Variants in CNTNAP2 observed in about 807,000 individuals in gnomAD.
The protein encoded by CNTNAP2 is contactin associated protein 2, also known as contactin-associated protein-like 2.
Under a neutral mutation model 155.2 loss-of-function variants are expected in CNTNAP2, and 98 were observed. That is an observed-to-expected ratio of 0.63 (90% CI 0.54 to 0.75). CNTNAP2 has a LOEUF of 0.75. Ranked by LOEUF, CNTNAP2 falls within the 30% of genes least tolerant of loss-of-function variation. The pLI, the probability that CNTNAP2 is intolerant of heterozygous loss-of-function variation, is 0.00. For synonymous variants in CNTNAP2, 651 were observed against 631.2 expected, an observed-to-expected ratio of 1.03 and a Z score of -0.47; for missense variants, 1,727 against 1,688.1, an observed-to-expected ratio of 1.02 and a Z score of -0.40.
intron 21 of CNTNAP2, among the ~76,000 whole-genome samples, chr7:148,293,210 C>T (rs542356499): frequency 7.2e-4 from 110 of 152,284 alleles, no homozygotes; most frequent in Admixed American, 1.2e-3. Flanking sequence ...CGCATACACT[C>T]ACACAAACAC....
At chr7:146,313,506 A>G (rs1800860971) in intron 1 of CNTNAP2, among the ~76,000 whole-genome samples, 1 of 152,036 alleles carries the variant, frequency 6.6e-6, no homozygotes, top group South Asian at 2.1e-4. Context: ...TTCTCTCTTC[A>G]TCGAGTTGTT....
chr7:147,602,982 G>T (rs1800983912), intron 12 of CNTNAP2, among the ~76,000 whole-genome samples: 1 of 152,232 alleles, frequency 6.6e-6, no homozygotes, highest in South Asian at 2.1e-4. Context: ...ATGATTTATA[G>T]TCCTTTGGGT....
At chr7:147,615,048 T>C (rs1801254716) in intron 12 of CNTNAP2, among the ~76,000 whole-genome samples, 1 of 149,748 alleles carries the variant, frequency 6.7e-6, no homozygotes, top group Admixed American at 6.7e-5. Context: ...AACCTAGGAA[T>C]TCAAGAGCAG....
chr7:146,734,284 G>A (rs529343782), intron 1 of CNTNAP2, among the ~76,000 whole-genome samples: 14 of 152,142 alleles, frequency 9.2e-5, no homozygotes, highest in African/African-American at 3.4e-4. Flanking sequence ...TTGTTGAGCT[G>A]TTTTATTAAT....
At chr7:147,511,945 T>C (rs952732660) in intron 11 of CNTNAP2, among the ~76,000 whole-genome samples, 1 of 152,236 alleles carries the variant, frequency 6.6e-6, no homozygotes, top group Non-Finnish European at 1.5e-5. Flanking sequence ...TGTTTGTATA[T>C]TTATTTGTTT....
chr7:148,274,822 C>T (rs1277154191), intron 21 of CNTNAP2, among the ~76,000 whole-genome samples: 1 of 152,172 alleles, frequency 6.6e-6, no homozygotes, highest in Non-Finnish European at 1.5e-5. Flanking sequence ...CTTACTCTAC[C>T]ATTTGCCGAT....
intron 15 of CNTNAP2, among the ~76,000 whole-genome samples, chr7:148,106,491 G>GAGAGAGAGAT (rs1491260259): frequency 0.026 from 1,198 of 46,342 alleles, 37 homozygotes; most frequent in African/African-American, 0.12. Flanking sequence ...TGCACACTTT[G>GAGAGAGAGAT]AGATATATAT....
At chr7:146,819,911 A>T (rs1803244346) in intron 2 of CNTNAP2, among the ~76,000 whole-genome samples, 1 of 152,144 alleles carries the variant, frequency 6.6e-6, no homozygotes, top group Non-Finnish European at 1.5e-5. Context: ...CCACTTCTTG[A>T]TACATCCACC....
chr7:146,365,476 A>G (rs570476350), intron 1 of CNTNAP2, among the ~76,000 whole-genome samples: 1 of 152,350 alleles, frequency 6.6e-6, no homozygotes, highest in South Asian at 2.1e-4. Context: ...TTCTACCTGG[A>G]GAAGCATAAA....
intron 12 of CNTNAP2, among the ~76,000 whole-genome samples, chr7:147,616,497 T>G (rs1801295889): frequency 6.6e-6 from 1 of 152,224 alleles, no homozygotes; most frequent in Non-Finnish European, 1.5e-5. Flanking sequence ...CTCTTTATTG[T>G]ATTCTGGCAA....
chr7:146,953,003 A>T (rs550655198), intron 3 of CNTNAP2, among the ~76,000 whole-genome samples: 1 of 152,184 alleles, frequency 6.6e-6, no homozygotes, highest in South Asian at 2.1e-4. Flanking sequence ...TCATGGCTTA[A>T]GATTATTATA....
intron 3 of CNTNAP2, among the ~76,000 whole-genome samples, chr7:147,021,224 T>C (rs995777646): frequency 6.6e-6 from 1 of 150,858 alleles, no homozygotes; most frequent in Non-Finnish European, 1.5e-5. Context: ...GCTCATCAGC[T>C]ATCATTAGTG....
intron 21 of CNTNAP2, among the ~76,000 whole-genome samples, chr7:148,345,428 T>C (rs986814751): frequency 1.3e-5 from 2 of 152,116 alleles, no homozygotes; most frequent in Admixed American, 1.3e-4. Context: ...AGTGACGCAA[T>C]CTCAGCTCAC....
intron 18 of CNTNAP2, among the ~76,000 whole-genome samples, chr7:148,183,381 C>T (rs1795068878): frequency 6.6e-6 from 1 of 151,772 alleles, no homozygotes; most frequent in Admixed American, 6.6e-5. Flanking sequence ...TCATTAAAGC[C>T]TAAAGTCTAA....
chr7:146,774,230 G>A lies in CNTNAP2; in HGVS notation c.98-41G>A, dbSNP rs112724037. On this transcript the variant is annotated intron_variant, in intron 1 of 23. Coordinates refer to ENST00000361727, the MANE Select transcript of CNTNAP2 (RefSeq NM_014141.6). ...ACATACCAATCGTTATTTCGAAATC[G>A]TTGTTGAGTGTCTCTCTCCCTCTCT... 2,014 of 1,427,112 alleles carry A rather than the reference G, an allele frequency of 1.4e-3. 14 individuals carry two copies. In the African/African-American group the frequency reaches 0.021, roughly 15 times the overall value. 88.4% of individuals were successfully genotyped at this position (1,427,112 alleles called of 1,614,324 possible). A position where few individuals can be genotyped will look rare whatever the true frequency, so the allele number is the denominator to read the frequency against.
chr7:146,932,390 T>G (rs1419976800), intron 3 of CNTNAP2, among the ~76,000 whole-genome samples: 31 of 151,656 alleles, frequency 2.0e-4, no homozygotes, highest in Non-Finnish European at 3.2e-4. Flanking sequence ...TCAACAACCC[T>G]TCATGCTAAA....
chr7:146,560,819 T>G (rs1798269132), intron 1 of CNTNAP2, among the ~76,000 whole-genome samples: 1 of 152,160 alleles, frequency 6.6e-6, no homozygotes, highest in Admixed American at 6.5e-5. Flanking sequence ...ATTCCAAAGC[T>G]TCAACATACT....
At chr7:147,711,360 C>T (rs1796397990) in intron 13 of CNTNAP2, among the ~76,000 whole-genome samples, 1 of 152,158 alleles carries the variant, frequency 6.6e-6, no homozygotes, top group Non-Finnish European at 1.5e-5. Flanking sequence ...AGAGCTCATG[C>T]ATACATGAGT....
intron 14 of CNTNAP2, among the ~76,000 whole-genome samples, chr7:147,925,273 A>C (rs1416812223): frequency 1.5e-5 from 2 of 134,030 alleles, no homozygotes; most frequent in Non-Finnish European, 1.6e-5. Flanking sequence ...AATGCAGACA[A>C]ACACACACAA....
Sources: allele counts gnomAD v4.1 joint callset (sites outside exome capture counted in the v4.1 genomes callset), GRCh38; gene constraint gnomAD v4.1.1; transcripts MANE v1.5; gene names NCBI Gene and HGNC (gene_info 2026-07-23, HGNC 2026-07-21).